The following GFOD1 variants were observed in gnomAD, a reference collection of about 807,000 sequenced individuals.
GFOD1 encodes the protein glucose-fructose oxidoreductase domain-containing protein 1.
A neutral mutation model predicts 25.4 loss-of-function variants in GFOD1; 9 were observed. That is an observed-to-expected ratio of 0.35 (90% CI 0.21 to 0.62). The LOEUF (loss-of-function observed/expected upper bound fraction) is 0.62. GFOD1 is among the 20% of genes least tolerant of loss of function. GFOD1 has a pLI of 0.72. For missense variants in GFOD1, 403 were observed against 556.9 expected (o/e 0.72, Z 2.78); for synonymous variants, 253 against 245.6 (o/e 1.03, Z -0.28).
rs762633176 is a variant in GFOD1, at chr6:13,442,267, T to C, written c.253+44371A>G. Among the ~76,000 whole-genome samples the C allele has an allele frequency of 1.6e-4, 25 of 152,268 alleles. 1 individual carries two copies. Among genetic ancestry groups the C allele is most frequent in the Admixed American group, 1.2e-3 (18 of 15,288 alleles). On this transcript the variant is annotated intron_variant, in intron 1 of 1. Transcript: ENST00000379287. Reference sequence around the variant, plus strand: ...CCTCACTTTATTGTGCTTTGCTTTATTGCACTTTTCAGCTATTGCATTTTT... The same window carrying C: ...CCTCACTTTATTGTGCTTTGCTTTACTGCACTTTTCAGCTATTGCATTTTT...
Position 13,371,895 on chromosome 6 carries a change from G to A in GFOD1, c.254-6233C>T, listed in dbSNP as rs1045162802. ...GAAATGGCTGTCTTGGAGGGTTGCC[G>A]CATCTGTCAATGTGATGCAGTGTGA... is the stretch of plus-strand genomic sequence containing the variant. On this transcript the variant is annotated intron_variant, in intron 1 of 1. Transcript: ENST00000379287. Among the ~76,000 whole-genome samples, 5 of 152,208 alleles carry A rather than the reference G, an allele frequency of 3.3e-5. No individual in the cohort carries two copies. The East Asian group carries it at 7.7e-4, about 23-fold the overall frequency.
chr6:13,375,854 G>A (rs142791120), intron 1 of GFOD1, among the ~76,000 whole-genome samples: 28 of 152,300 alleles, frequency 1.8e-4, no homozygotes, highest in African/African-American at 6.0e-4. Context: ...CATGTGTAAT[G>A]AGCATTTACT....
intron 1 of GFOD1, among the ~76,000 whole-genome samples, chr6:13,461,584 T>C (rs1156343909): frequency 6.6e-6 from 1 of 152,082 alleles, no homozygotes; most frequent in Non-Finnish European, 1.5e-5. Context: ...GTGGCACCAC[T>C]CTGCCCCCAC....
intron 1 of GFOD1, among the ~76,000 whole-genome samples, chr6:13,442,271 A>C (rs765986736): frequency 2.0e-5 from 3 of 152,258 alleles, no homozygotes; most frequent in Admixed American, 2.0e-4. Flanking sequence ...GCTTTATTGC[A>C]CTTTTCAGCT....
At chr6:13,468,736 G>A (rs1350973518) in intron 1 of GFOD1, among the ~76,000 whole-genome samples, 4 of 152,102 alleles carry the variant, frequency 2.6e-5, no homozygotes, top group African/African-American at 9.7e-5. Flanking sequence ...TGGGTGTTCT[G>A]ATTACCAGCA....
chr6:13,458,486 C>T (rs2127574990), intron 1 of GFOD1, among the ~76,000 whole-genome samples: 1 of 152,144 alleles, frequency 6.6e-6, no homozygotes, highest in East Asian at 1.9e-4. Flanking sequence ...ATAATGCTCT[C>T]CACTGAACTC....
intron 1 of GFOD1, among the ~76,000 whole-genome samples, chr6:13,458,323 G>T (rs1380506814): frequency 6.6e-6 from 1 of 152,092 alleles, no homozygotes; most frequent in African/African-American, 2.4e-5. Flanking sequence ...TCACCATGTT[G>T]GCCAGGCTTG....
At position 13,363,094 on chromosome 6, in the gene GFOD1, AC is replaced by A. The variant is rs1446309159; in HGVS notation, c.*1648del. The A allele has an allele frequency of 6.6e-6, 1 of 152,232 alleles. No individual in the cohort carries two copies. The highest frequency in any genetic ancestry group is 6.5e-5 in the Admixed American group (1 of 15,286). 9.4% of individuals were successfully genotyped at this position (152,232 alleles called of 1,614,324 possible). On this transcript the variant is annotated 3_prime_UTR_variant, in exon 2 of 2. Coordinates refer to ENST00000379287, the MANE Select transcript of GFOD1 (RefSeq NM_018988.4). ...TGGGGTGAAGAATTAAACAAAGATA[AC>A]AAAGGATAATTCCCTGTTCTCTGAA...
At chr6:13,426,349 T>C (rs901257334) in intron 1 of GFOD1, among the ~76,000 whole-genome samples, 1 of 152,194 alleles carries the variant, frequency 6.6e-6, no homozygotes, top group South Asian at 2.1e-4. Flanking sequence ...CAATGGGGCT[T>C]GGTGTCCCAC....
At chr6:13,368,952 C>A (rs1785098477) in intron 1 of GFOD1, among the ~76,000 whole-genome samples, 2 of 152,254 alleles carry the variant, frequency 1.3e-5, no homozygotes, top group African/African-American at 2.4e-5. Context: ...TCCCTTCAGG[C>A]TATTTATTAG....
chr6:13,477,150 A>AATAG (rs1758641586), intron 1 of GFOD1, among the ~76,000 whole-genome samples: 18 of 151,926 alleles, frequency 1.2e-4, no homozygotes, highest in Admixed American at 9.8e-4. Context: ...TTGCCTAGCC[A>AATAG]GGTGGCCTTG....
At chr6:13,417,051 A>G (rs147514007) in intron 1 of GFOD1, among the ~76,000 whole-genome samples, 37 of 152,362 alleles carry the variant, frequency 2.4e-4, no homozygotes, top group African/African-American at 8.9e-4. Flanking sequence ...AGAACAAGAC[A>G]AGATTAAATC....
At chr6:13,409,468 A>C (rs543563135) in intron 1 of GFOD1, among the ~76,000 whole-genome samples, 15 of 152,348 alleles carry the variant, frequency 9.8e-5, no homozygotes, top group Admixed American at 9.8e-4. Flanking sequence ...CCGTCAAGTA[A>C]CCATCATGAG....
At position 13,430,207 on chromosome 6, in the gene GFOD1, C is replaced by T. The variant is rs145504293; in HGVS notation, c.253+56431G>A. ...ACCCCAGCACTTTGGGAAGCAGAGG[C>T]GGGTGGATGACTTGAGGCCAGGAGT... On this transcript the variant is annotated intron_variant, in intron 1 of 1. Coordinates refer to ENST00000379287, the MANE Select transcript of GFOD1 (RefSeq NM_018988.4). This position sits in a 1 kb window ranked among gnomAD's most constrained non-coding sequence, Gnocchi z 4.1. 4.8e-3 allele frequency among the ~76,000 whole-genome samples: 726 copies of T among 152,254 alleles called. 5 individuals carry two copies. The highest frequency in any genetic ancestry group is 0.017 in the African/African-American group (694 of 41,552).
chr6:13,423,603 C>T (rs955946544), intron 1 of GFOD1, among the ~76,000 whole-genome samples: 7 of 152,198 alleles, frequency 4.6e-5, no homozygotes, highest in African/African-American at 1.7e-4. Flanking sequence ...GTCAGGTCCA[C>T]TTTACCATAC....
At chr6:13,382,351 G>T (rs755625548) in intron 1 of GFOD1, among the ~76,000 whole-genome samples, 195 of 151,822 alleles carry the variant, frequency 1.3e-3, no homozygotes, top group Non-Finnish European at 2.4e-3. Flanking sequence ...GAATCATGGG[G>T]GGGGGGGTTC....
At chr6:13,460,556 T>C (rs951850776) in intron 1 of GFOD1, among the ~76,000 whole-genome samples, 5 of 152,146 alleles carry the variant, frequency 3.3e-5, no homozygotes, top group South Asian at 2.1e-4. Context: ...CAAACTTCTG[T>C]TCCTGTGAAC....
chr6:13,417,872 G>GTCTA (rs1006822519), intron 1 of GFOD1, among the ~76,000 whole-genome samples: 11 of 152,176 alleles, frequency 7.2e-5, no homozygotes, highest in African/African-American at 2.4e-4. Context: ...AGCTGAAAGG[G>GTCTA]TCTAACCCAC....
intron 1 of GFOD1, among the ~76,000 whole-genome samples, chr6:13,406,605 T>G (rs1481328896): frequency 1.3e-5 from 2 of 152,196 alleles, no homozygotes; most frequent in Non-Finnish European, 2.9e-5. Context: ...ATTTTCCATC[T>G]CCTTACTTGA....
Sources: gnomAD v4.1 joint callset for allele counts (sites outside exome capture counted in the v4.1 genomes callset) on GRCh38, gnomAD v4.1.1 for gene constraint, Gnocchi (gnomAD v3.1) non-coding constraint, MANE v1.5 for transcripts, NCBI Gene and HGNC (gene_info 2026-07-23, HGNC 2026-07-21) for gene names.